SCUBE1: variants seen among roughly 807,000 people sequenced by gnomAD.
SCUBE1 encodes signal peptide, CUB domain and EGF like domain containing 1.
Under a neutral mutation model 124.4 loss-of-function variants are expected in SCUBE1, and 59 were observed. The observed-to-expected ratio is 0.47, with a 90% CI of 0.38 to 0.59. SCUBE1 has a LOEUF of 0.59. SCUBE1 is among the 20% of genes least tolerant of loss of function. SCUBE1 has a pLI of 0.00. For synonymous variants in SCUBE1, 545 were observed against 550.9 expected, an observed-to-expected ratio of 0.99 and a Z score of 0.15; for missense variants, 1,150 against 1,371.2, an observed-to-expected ratio of 0.84 and a Z score of 2.55.
rs1350778892 is a variant in SCUBE1, at chr22:43,222,619, G to A, written c.1432+19C>T. 1 of 1,464,266 alleles carries A rather than the reference G, an allele frequency of 6.8e-7. No homozygotes were observed. The highest frequency in any genetic ancestry group is 2.1e-5 in the Admixed American group (1 of 48,732). The allele number at this position is 1,464,266 out of a possible 1,614,324, so 90.7% of individuals were successfully genotyped here. A position where few individuals can be genotyped will look rare whatever the true frequency, so the allele number is the denominator to read the frequency against. ...AAGTCACCCAGTGGCATGCAGCATGGACAGGCCGGGGGGGTTACCTGAGCA... is the reference window on the plus strand; with the variant it reads ...AAGTCACCCAGTGGCATGCAGCATGAACAGGCCGGGGGGGTTACCTGAGCA... On this transcript the variant is annotated intron_variant, in intron 12 of 21. Coordinates refer to ENST00000360835, the MANE Select transcript of SCUBE1 (RefSeq NM_173050.5).
At chr22:43,325,035 C>T (rs1271086456) in intron 2 of SCUBE1, among the ~76,000 whole-genome samples, 2 of 150,618 alleles carry the variant, frequency 1.3e-5, no homozygotes, top group East Asian at 3.9e-4. Context: ...GAGAAGAATA[C>T]CATGTGAAGA....
intron 16 of SCUBE1, chr22:43,213,710 T>C (rs935623207): frequency 4.9e-5 from 8 of 164,500 alleles, no homozygotes; most frequent in Non-Finnish European, 9.2e-5. Flanking sequence ...GTTCCAGTTG[T>C]AATGGAATGT....
chr22:43,259,321 T>G (rs938415716), intron 5 of SCUBE1, among the ~76,000 whole-genome samples: 3 of 152,216 alleles, frequency 2.0e-5, no homozygotes, highest in African/African-American at 7.2e-5. Flanking sequence ...TCTTGGATAC[T>G]TTAACCATCT....
chr22:43,321,312 G>T (rs944797154), intron 2 of SCUBE1, among the ~76,000 whole-genome samples: 1 of 152,222 alleles, frequency 6.6e-6, no homozygotes, highest in Non-Finnish European at 1.5e-5. Context: ...AGGAGCTGCC[G>T]CAGGGAGACA....
chr22:43,276,361 C>T (rs1222121756), intron 4 of SCUBE1, among the ~76,000 whole-genome samples: 1 of 152,194 alleles, frequency 6.6e-6, no homozygotes, highest in Non-Finnish European at 1.5e-5. Flanking sequence ...ATGGGACGTA[C>T]ATGCTGAAAG....
At chr22:43,205,573 A>G (rs1037380785) in intron 21 of SCUBE1, among the ~76,000 whole-genome samples, 2 of 151,276 alleles carry the variant, frequency 1.3e-5, no homozygotes, top group Admixed American at 1.3e-4. Context: ...GTACACACCC[A>G]CCACACCCCA....
chr22:43,206,285 A>C (rs1921276344), intron 21 of SCUBE1, among the ~76,000 whole-genome samples: 1 of 145,118 alleles, frequency 6.9e-6, no homozygotes, highest in Non-Finnish European at 1.5e-5. Context: ...ATACACACCC[A>C]CTCAACACAC....
chr22:43,249,784 C>T (rs767049818), intron 6 of SCUBE1, among the ~76,000 whole-genome samples: 11 of 152,230 alleles, frequency 7.2e-5, no homozygotes, highest in South Asian at 2.1e-4. Flanking sequence ...AGTGCAGCCA[C>T]GCGGCCCAGA....
At chr22:43,284,062 T>C (rs1383739048) in intron 4 of SCUBE1, among the ~76,000 whole-genome samples, 1 of 152,232 alleles carries the variant, frequency 6.6e-6, no homozygotes, top group Non-Finnish European at 1.5e-5. Flanking sequence ...GCCCGCAGGC[T>C]CTTACCTGGT....
At chr22:43,308,614 C>T (rs1227181628) in intron 3 of SCUBE1, among the ~76,000 whole-genome samples, 3 of 152,368 alleles carry the variant, frequency 2.0e-5, no homozygotes, top group African/African-American at 7.2e-5. Flanking sequence ...CTTTAAAAGG[C>T]CGCGATGGCG....
At chr22:43,264,764 G>C (rs537848045) in intron 4 of SCUBE1, among the ~76,000 whole-genome samples, 1 of 152,298 alleles carries the variant, frequency 6.6e-6, no homozygotes, top group South Asian at 2.1e-4. Flanking sequence ...GGCAGCCCCC[G>C]AGGGTGCTCC....
At chr22:43,304,601 T>C (rs745901645) in intron 3 of SCUBE1, among the ~76,000 whole-genome samples, 7 of 152,100 alleles carry the variant, frequency 4.6e-5, no homozygotes, top group Non-Finnish European at 2.9e-5. Context: ...TGTGTGTGTG[T>C]CTGTGTGTGT....
At position 43,258,082 on chromosome 22, in the gene SCUBE1, G is replaced by T; in HGVS notation, c.727+137C>A. On this transcript the variant is annotated intron_variant, in intron 6 of 21. Coordinates refer to ENST00000360835, the MANE Select transcript of SCUBE1 (RefSeq NM_173050.5). The surrounding 1 kb of genome is among the most constrained non-coding windows in gnomAD (Gnocchi z 5.0). ...GCCGGCCATCCCCGCCATTGCCATG[G>T]GCTTGCCTTTCCTTGTTTCCCTGAA... 2.8e-6 allele frequency: 2 copies of T among 710,750 alleles called. No homozygotes were observed. Among genetic ancestry groups the T allele is most frequent in the Non-Finnish European group, 2.5e-6 (1 of 403,832 alleles). 44.0% of individuals were successfully genotyped at this position (710,750 alleles called of 1,614,324 possible). A position where few individuals can be genotyped will look rare whatever the true frequency, so the allele number is the denominator to read the frequency against.
chr22:43,202,861 G>C lies in SCUBE1; in HGVS notation c.*1136C>G, dbSNP rs1458860992. The C allele has an allele frequency of 6.6e-6, 1 of 152,350 alleles. No homozygotes were observed. Among genetic ancestry groups the C allele is most frequent in the African/African-American group, 2.4e-5 (1 of 41,422 alleles). The allele number at this position is 152,350 out of a possible 1,614,324, so 9.4% of individuals were successfully genotyped here. On this transcript the variant is annotated 3_prime_UTR_variant, in exon 22 of 22. Coordinates refer to ENST00000360835, the MANE Select transcript of SCUBE1 (RefSeq NM_173050.5). The stretch of plus-strand genomic sequence containing the variant: ...CTCCCCTTTCCTCACTGGCCGCTCT[G>C]AGGCTCCTTGTGGTGGTACAGCCTG...
chr22:43,314,146 C>T (rs1926261991), intron 3 of SCUBE1, among the ~76,000 whole-genome samples: 1 of 152,178 alleles, frequency 6.6e-6, no homozygotes, highest in African/African-American at 2.4e-5. Flanking sequence ...AGAGAACCTT[C>T]CAACAACTCA....
At chr22:43,323,479 T>A (rs1412831494) in intron 2 of SCUBE1, among the ~76,000 whole-genome samples, 4 of 152,256 alleles carry the variant, frequency 2.6e-5, no homozygotes, top group East Asian at 3.9e-4. Flanking sequence ...CATCCATTTA[T>A]CCAGCCAAAT....
intron 3 of SCUBE1, among the ~76,000 whole-genome samples, chr22:43,309,606 A>G (rs1926100046): frequency 6.6e-6 from 1 of 152,136 alleles, no homozygotes; most frequent in South Asian, 2.1e-4. Context: ...GTTTGACTAC[A>G]GACTTCTAAG....
intron 21 of SCUBE1, among the ~76,000 whole-genome samples, chr22:43,207,326 C>T (rs1018799946): frequency 6.6e-6 from 1 of 152,150 alleles, no homozygotes; most frequent in African/African-American, 2.4e-5. Flanking sequence ...AAACAGCTTC[C>T]CTCAGGCCTC....
chr22:43,241,973 T>A lies in SCUBE1; in HGVS notation c.728-3019A>T, dbSNP rs150830495. Among the ~76,000 whole-genome samples, 1,402 of 152,364 alleles carry A rather than the reference T, an allele frequency of 9.2e-3. 18 individuals are homozygous for A. Among genetic ancestry groups the A allele is most frequent in the African/African-American group, 0.032 (1,328 of 41,582 alleles). ...TCGGGGCCTGGGGCAGGCTGCAGCCTCTTGCCTGGGGCTCCATCCCTCCTC... is the reference window on the plus strand; with the variant it reads ...TCGGGGCCTGGGGCAGGCTGCAGCCACTTGCCTGGGGCTCCATCCCTCCTC... On this transcript the variant is annotated intron_variant, in intron 6 of 21. Transcript: ENST00000360835.
Sources: gnomAD v4.1 joint callset for allele counts (sites outside exome capture counted in the v4.1 genomes callset) on GRCh38, gnomAD v4.1.1 for gene constraint, Gnocchi (gnomAD v3.1) non-coding constraint, MANE v1.5 for transcripts, NCBI Gene and HGNC (gene_info 2026-07-23, HGNC 2026-07-21) for gene names.